Variants in PAPPA2 observed in about 807,000 individuals in gnomAD.
The protein encoded by PAPPA2 is pappalysin-2.
Under a neutral mutation model 176.4 loss-of-function variants are expected in PAPPA2, and 86 were observed. The ratio of observed to expected loss-of-function variants is 0.49; its 90% CI spans 0.41 to 0.58. PAPPA2 has a LOEUF of 0.58. Among genes scored for constraint, PAPPA2 ranks in the 20% least tolerant of loss-of-function variants. PAPPA2 has a pLI of 0.00. For synonymous variants in PAPPA2, 809 were observed against 852.2 expected (o/e 0.95, Z 0.88); for missense variants, 2,073 against 2,256.9 (o/e 0.92, Z 1.65).
intron 19 of PAPPA2, 35 bp from the exon 20 acceptor site, chr1:176,793,525 G>T: frequency 6.5e-7 from 1 of 1,532,726 alleles, no homozygotes; most frequent in Non-Finnish European, 9.0e-7. Flanking sequence ...GATCTGGGAA[G>T]TTCAAGTCTC....
chr1:176,699,438 A>T lies in PAPPA2; in HGVS notation c.3085A>T (p.Ile1029Leu). ...GAAAGTCTACACCTTTGATGAGAGG[A>T]TAGAGATTGATGCAGCACTCCTGAC... ...GVKVYTFDER[I>L]EIDAALLTSQ... The change falls in exon 8 of 23, where the codon ATA becomes TTA. Residue 1029 changes from isoleucine (I) to leucine (L), a missense_variant. Ile to Leu is a conservative substitution (Grantham distance 5). This residue lies in a region of PAPPA2 where 1,196 missense variants were observed against 1,330.4 expected (regional missense o/e 0.90). Coordinates refer to ENST00000367662, the MANE Select transcript of PAPPA2 (RefSeq NM_020318.3). 6.2e-7 allele frequency: 1 copy of T among 1,614,062 alleles called. No homozygotes were observed. Among genetic ancestry groups the T allele is most frequent in the Non-Finnish European group, 8.5e-7 (1 of 1,180,010 alleles).
rs1327994386 is a variant in PAPPA2 at position 176,556,649 on chromosome 1, A to C, written c.327A>C (p.Pro109=). ...TEGNAVSLVP[P]DLTENPAGLR... ...GAAATGCTGTGAGCCTTGTTCCCCCAGACCTGACTGAAAATCCAGCAGGAC... is the reference window on the plus strand; with the variant it reads ...GAAATGCTGTGAGCCTTGTTCCCCCCGACCTGACTGAAAATCCAGCAGGAC... Residue 109 remains proline (P), a synonymous_variant, in exon 2 of 23, where the codon CCA becomes CCC. Coordinates refer to ENST00000367662, the MANE Select transcript of PAPPA2 (RefSeq NM_020318.3). 6.2e-7 allele frequency: 1 copy of C among 1,614,222 alleles called. No homozygotes were observed. The highest frequency in any genetic ancestry group is 1.7e-5 in the Admixed American group (1 of 60,036).
chr1:176,818,575 C>T (rs1666505556), intron 21 of PAPPA2, among the ~76,000 whole-genome samples: 1 of 146,290 alleles, frequency 6.8e-6, no homozygotes, highest in African/African-American at 2.6e-5. Context: ...AATATATCCA[C>T]ACACCAGCCA....
intron 3 of PAPPA2, among the ~76,000 whole-genome samples, chr1:176,663,521 C>T (rs539599740): frequency 2.6e-5 from 4 of 152,158 alleles, no homozygotes; most frequent in African/African-American, 9.6e-5. Context: ...TAAAGTGTCA[C>T]ATTTATGAAG....
Position 176,512,027 on chromosome 1 carries a change from A to G in PAPPA2, c.-916-43380A>G, listed in dbSNP as rs988437677. Among the ~76,000 whole-genome samples the G allele has an allele frequency of 3.3e-5, 5 of 152,288 alleles. No homozygotes were observed. In the South Asian group the frequency reaches 6.2e-4, roughly 19 times the overall value. On this transcript the variant is annotated intron_variant, in intron 1 of 22. Coordinates refer to ENST00000367662, the MANE Select transcript of PAPPA2 (RefSeq NM_020318.3). The stretch of plus-strand genomic sequence containing the variant: ...CAGACAAAGTACTTGCAACTAGAAT[A>G]TATAAGGAACACTTAAAACTTGATA...
At chr1:176,793,503 G>T in intron 19 of PAPPA2, 57 bp from the exon 20 acceptor site, 4 of 1,432,512 alleles carry the variant, frequency 2.8e-6, no homozygotes, top group Non-Finnish European at 3.9e-6. Context: ...ATTCCTGAAA[G>T]AAAAAGAATG....
intron 1 of PAPPA2, among the ~76,000 whole-genome samples, chr1:176,534,601 A>G (rs1024015871): frequency 6.6e-6 from 1 of 152,236 alleles, no homozygotes; most frequent in Non-Finnish European, 1.5e-5. Flanking sequence ...CTTACTTAGG[A>G]CTGCTAACTA....
At chr1:176,700,563 C>CT (rs970310758) in intron 8 of PAPPA2, among the ~76,000 whole-genome samples, 1 of 152,214 alleles carries the variant, frequency 6.6e-6, no homozygotes, top group Non-Finnish European at 1.5e-5. Context: ...ATGAGGGCCT[C>CT]TTTCCTCATG....
intron 3 of PAPPA2, among the ~76,000 whole-genome samples, chr1:176,637,085 G>A (rs958244084): frequency 4.6e-5 from 7 of 152,054 alleles, no homozygotes; most frequent in African/African-American, 1.7e-4. Flanking sequence ...AAGGGGAGGA[G>A]TAGGATTGTA....
intron 14 of PAPPA2, among the ~76,000 whole-genome samples, chr1:176,747,501 C>CA (rs1027387029): frequency 6.7e-6 from 1 of 150,262 alleles, no homozygotes; most frequent in East Asian, 1.9e-4. Context: ...TAGCCCAGAC[C>CA]AAAAAAATAA....
intron 14 of PAPPA2, among the ~76,000 whole-genome samples, chr1:176,744,903 A>G (rs558573015): frequency 6.6e-6 from 1 of 152,324 alleles, no homozygotes; most frequent in East Asian, 1.9e-4. Context: ...CTATATTGTT[A>G]GTATTTAAAT....
At chr1:176,532,891 C>T (rs1649889838) in intron 1 of PAPPA2, among the ~76,000 whole-genome samples, 1 of 152,182 alleles carries the variant, frequency 6.6e-6, no homozygotes, top group African/African-American at 2.4e-5. Flanking sequence ...ATTGCCCACC[C>T]CCTGTGGGCA....
intron 12 of PAPPA2, among the ~76,000 whole-genome samples, chr1:176,734,023 T>A (rs1207033872): frequency 6.6e-6 from 1 of 152,128 alleles, no homozygotes; most frequent in Non-Finnish European, 1.5e-5. Context: ...GAGAGGTTTT[T>A]TCCCCCCTCT....
intron 6 of PAPPA2, among the ~76,000 whole-genome samples, chr1:176,693,772 A>G (rs969158373): frequency 2.6e-5 from 4 of 152,224 alleles, no homozygotes; most frequent in Non-Finnish European, 5.9e-5. Context: ...GTCAGCACAC[A>G]TCTGTGTGAT....
intron 1 of PAPPA2, among the ~76,000 whole-genome samples, chr1:176,513,052 C>T (rs1247202390): frequency 2.0e-5 from 3 of 152,128 alleles, no homozygotes; most frequent in African/African-American, 7.2e-5. Context: ...CTCTTGCTTC[C>T]AAGGCCTTCA....
intron 17 of PAPPA2, among the ~76,000 whole-genome samples, chr1:176,784,459 T>C (rs1301118559): frequency 6.6e-6 from 1 of 152,166 alleles, no homozygotes; most frequent in Non-Finnish European, 1.5e-5. Flanking sequence ...TGAGCTGCCA[T>C]AACAGAACAC....
At chr1:176,572,726 GA>G (rs1312390494) in intron 2 of PAPPA2, among the ~76,000 whole-genome samples, 1 of 152,178 alleles carries the variant, frequency 6.6e-6, no homozygotes, top group East Asian at 1.9e-4. Flanking sequence ...CTAATGCTGT[GA>G]AAGTCATACA....
chr1:176,535,373 AT>A (rs1167493101), intron 1 of PAPPA2, among the ~76,000 whole-genome samples: 5 of 152,152 alleles, frequency 3.3e-5, no homozygotes, highest in Non-Finnish European at 7.3e-5. Context: ...TCTAGATTTC[AT>A]TTTTGTAAGA....
intron 1 of PAPPA2, among the ~76,000 whole-genome samples, chr1:176,522,965 A>G (rs183568368): frequency 1.1e-3 from 171 of 152,256 alleles, no homozygotes; most frequent in African/African-American, 3.9e-3. Flanking sequence ...TTAGCTTGAC[A>G]TGAAGGATCC....
Sources: allele counts gnomAD v4.1 joint callset (sites outside exome capture counted in the v4.1 genomes callset), GRCh38; gene constraint gnomAD v4.1.1; regional missense constraint gnomAD v4.1.1; transcripts MANE v1.5; gene names NCBI Gene and HGNC (gene_info 2026-07-23, HGNC 2026-07-21).